ETFBKMT: variants seen among roughly 807,000 people sequenced by gnomAD.
ETFBKMT encodes the protein electron transfer flavoprotein subunit beta lysine methyltransferase.
In ETFBKMT, 13 loss-of-function variants were observed where a neutral mutation model predicts 18.3. The ratio of observed to expected loss-of-function variants is 0.71; its 90% CI spans 0.46 to 1.13. The LOEUF (loss-of-function observed/expected upper bound fraction) is 1.13. Ranked by LOEUF, ETFBKMT falls within the 50% of genes most tolerant of loss-of-function variation. The probability of loss-of-function intolerance (pLI) is 0.00; values close to 1 mark genes in which losing one functional copy is unlikely to be tolerated. For synonymous variants in ETFBKMT, 84 were observed against 107.9 expected, an observed-to-expected ratio of 0.78 and a Z score of 1.37; for missense variants, 293 against 306.2, an observed-to-expected ratio of 0.96 and a Z score of 0.32.
In ETFBKMT at chr12:31,668,040, CTA is replaced by C; in HGVS notation, c.*51_*52del. On this transcript the variant is annotated 3_prime_UTR_variant, in exon 4 of 4. Transcript: ENST00000357721. ...AATATAGTAATGTTTGGATCTGACTCTAAAAGTTTTCTCTATAGGAGATACTC... is the reference window on the plus strand; with the variant it reads ...AATATAGTAATGTTTGGATCTGACTCAAAGTTTTCTCTATAGGAGATACTC... 5 of 1,464,954 alleles carry C rather than the reference CTA, an allele frequency of 3.4e-6. No homozygotes were observed. The highest frequency in any genetic ancestry group is 4.7e-6 in the Non-Finnish European group (5 of 1,073,804). The allele number at this position is 1,464,954 out of a possible 1,614,324, so 90.7% of individuals were successfully genotyped here.
intron 1 of ETFBKMT, among the ~76,000 whole-genome samples, chr12:31,660,358 A>G (rs1220092333): frequency 6.6e-6 from 1 of 152,104 alleles, no homozygotes; most frequent in African/African-American, 2.4e-5. Context: ...TATGATGTCC[A>G]GCCCCTTGTG....
At chr12:31,656,908 T>C (rs1382391061), upstream of ETFBKMT, among the ~76,000 whole-genome samples, 1 of 152,256 alleles carries the variant, frequency 6.6e-6, no homozygotes, top group African/African-American at 2.4e-5. Context: ...TCTGTGTTTC[T>C]AATAATGATC....
chr12:31,668,075 T>A lies in ETFBKMT; in HGVS notation c.*85T>A. The A allele has an allele frequency of 2.0e-6, 2 of 1,011,506 alleles. No individual in the cohort carries two copies. The highest frequency in any genetic ancestry group is 2.9e-6 in the Non-Finnish European group (2 of 692,094). The allele number at this position is 1,011,506 out of a possible 1,614,324, so 62.7% of individuals were successfully genotyped here. On this transcript the variant is annotated 3_prime_UTR_variant, in exon 4 of 4. Transcript: ENST00000357721. ...TCTCTATAGGAGATACTCTCCAGTTTAATGAATGTAATTCTTGTTAAATGG... is the reference window on the plus strand; with the variant it reads ...TCTCTATAGGAGATACTCTCCAGTTAAATGAATGTAATTCTTGTTAAATGG...
In ETFBKMT at chr12:31,672,919, G is replaced by C. The variant is rs1951312680; in HGVS notation, c.*4929G>C. The C allele has an allele frequency of 6.5e-6, 1 of 153,444 alleles. No homozygotes were observed. Among genetic ancestry groups the C allele is most frequent in the Non-Finnish European group, 1.5e-5 (1 of 68,912 alleles). 9.5% of individuals were successfully genotyped at this position (153,444 alleles called of 1,614,324 possible). ...TGTAGCTGAACATTTTTCCATGTCT[G>C]TATAATACTACTATAAAGCATGATT... On this transcript the variant is annotated 3_prime_UTR_variant, in exon 4 of 4. Coordinates refer to ENST00000357721, the MANE Select transcript of ETFBKMT (RefSeq NM_001135863.2).
chr12:31,655,868 A>T (rs1319221469), upstream of ETFBKMT, among the ~76,000 whole-genome samples: 1 of 152,176 alleles, frequency 6.6e-6, no homozygotes, highest in Non-Finnish European at 1.5e-5. Context: ...ACCTGGATTG[A>T]TTGAGATTCT....
chr12:31,672,271 G>A lies in ETFBKMT; in HGVS notation c.*4281G>A, dbSNP rs1253575409. On this transcript the variant is annotated 3_prime_UTR_variant, in exon 4 of 4. Transcript: ENST00000357721. ...TTTCCTGGGAAAGTAGTTTTGATAA[G>A]CTTTCCTAGCATTGATCATCTTCAA... 16 of 1,487,080 alleles carry A rather than the reference G, an allele frequency of 1.1e-5. No individual in the cohort carries two copies. The highest frequency in any genetic ancestry group is 1.4e-5 in the Non-Finnish European group (15 of 1,086,486). The allele number at this position is 1,487,080 out of a possible 1,614,324, so 92.1% of individuals were successfully genotyped here.
chr12:31,670,134 G>C lies in ETFBKMT; in HGVS notation c.*2144G>C, dbSNP rs1334208263. The C allele has an allele frequency of 1.3e-5, 2 of 152,248 alleles. No individual in the cohort carries two copies. Among genetic ancestry groups the C allele is most frequent in the Non-Finnish European group, 2.9e-5 (2 of 68,116 alleles). The allele number at this position is 152,248 out of a possible 1,614,324, so 9.4% of individuals were successfully genotyped here. ...CCCCAAGTGCTGGGATTACACGTGT[G>C]AGCCACTGTGCCAGGCTGGAGCTTT... On this transcript the variant is annotated 3_prime_UTR_variant, in exon 4 of 4. Coordinates refer to ENST00000357721, the MANE Select transcript of ETFBKMT (RefSeq NM_001135863.2).
chr12:31,655,066 C>CA (rs772429943), upstream of ETFBKMT, among the ~76,000 whole-genome samples: 14,157 of 41,044 alleles, frequency 0.34, 745 homozygotes, highest in South Asian at 0.49. Flanking sequence ...ATGAAACAAA[C>CA]AAACAAACAA....
In ETFBKMT at chr12:31,672,063, C is replaced by T. The variant is rs1951284381; in HGVS notation, c.*4073C>T. ...AGATCAGAGTTCATGCTAGGATTAT[C>T]ATTTCAAAAATAATGACTCATCCAA... is the stretch of plus-strand genomic sequence containing the variant. On this transcript the variant is annotated 3_prime_UTR_variant, in exon 4 of 4. Coordinates refer to ENST00000357721, the MANE Select transcript of ETFBKMT (RefSeq NM_001135863.2). 1 of 391,926 alleles carries T rather than the reference C, an allele frequency of 2.6e-6. No individual in the cohort carries two copies. Among genetic ancestry groups the T allele is most frequent in the Non-Finnish European group, 4.6e-6 (1 of 217,396 alleles). 24.3% of individuals were successfully genotyped at this position (391,926 alleles called of 1,614,324 possible). A position where few individuals can be genotyped will look rare whatever the true frequency, so the allele number is the denominator to read the frequency against.
chr12:31,667,026 A>C (rs1293510736), intron 3 of ETFBKMT, among the ~76,000 whole-genome samples: 12 of 116,164 alleles, frequency 1.0e-4, no homozygotes, highest in East Asian at 7.7e-4. Flanking sequence ...ACAGAGTCTC[A>C]CTCTATTGCC....
Position 31,668,159 on chromosome 12 carries a change from G to A in ETFBKMT, c.*169G>A. ...TTTTGTTTACTTTTGTCATGTAACT[G>A]GTTCTGTATTTCTATGCATGCCAAT... On this transcript the variant is annotated 3_prime_UTR_variant, in exon 4 of 4. Coordinates refer to ENST00000357721, the MANE Select transcript of ETFBKMT (RefSeq NM_001135863.2). 1 of 594,496 alleles carries A rather than the reference G, an allele frequency of 1.7e-6. No homozygotes were observed. The highest frequency in any genetic ancestry group is 2.8e-6 in the Non-Finnish European group (1 of 351,376). 36.8% of individuals were successfully genotyped at this position (594,496 alleles called of 1,614,324 possible). A position where few individuals can be genotyped will look rare whatever the true frequency, so the allele number is the denominator to read the frequency against.
chr12:31,663,284 G>C (rs1319849322), intron 2 of ETFBKMT, among the ~76,000 whole-genome samples: 1 of 152,024 alleles, frequency 6.6e-6, no homozygotes, highest in African/African-American at 2.4e-5. Context: ...GTAGAGATGG[G>C]GTTTCACCAT....
At chr12:31,656,603 C>T (rs796522448), upstream of ETFBKMT, among the ~76,000 whole-genome samples, 41 of 152,310 alleles carry the variant, frequency 2.7e-4, no homozygotes, top group African/African-American at 9.1e-4. Flanking sequence ...CTTAGATTGG[C>T]TAGCATTACG....
intron 1 of ETFBKMT, among the ~76,000 whole-genome samples, chr12:31,650,642 T>TTTTTTTTTTTTA (rs1555182738): frequency 2.7e-5 from 4 of 150,762 alleles, no homozygotes; most frequent in South Asian, 2.1e-4. Context: ...TTTTTTTTTT[T>TTTTTTTTTTTTA]AAAGAATCAC....
At chr12:31,650,627 CTT>C (rs57675973) in intron 1 of ETFBKMT, among the ~76,000 whole-genome samples, 4 of 138,236 alleles carry the variant, frequency 2.9e-5, no homozygotes, top group Non-Finnish European at 3.1e-5. Context: ...ATGACCTGAC[CTT>C]TTTTTTTTTT....
intron 2 of ETFBKMT, among the ~76,000 whole-genome samples, chr12:31,664,616 CTT>C (rs59300091): frequency 1.1e-4 from 15 of 132,952 alleles, no homozygotes; most frequent in Admixed American, 1.5e-4. Context: ...CTTTTTCTTT[CTT>C]TTTTTTTTTT....
intron 1 of ETFBKMT, among the ~76,000 whole-genome samples, chr12:31,647,721 C>T (rs1317761153): frequency 6.6e-6 from 1 of 151,988 alleles, no homozygotes; most frequent in East Asian, 1.9e-4. Flanking sequence ...CCCAGCTACT[C>T]GGGAAGCTGG....
chr12:31,664,259 TC>T, intron 2 of ETFBKMT, among the ~76,000 whole-genome samples: 1 of 152,134 alleles, frequency 6.6e-6, no homozygotes, highest in African/African-American at 2.4e-5. Context: ...CAGTCCAAAT[TC>T]CTTGGTTGAA....
chr12:31,653,659 A>C (rs938383472), intron 1 of ETFBKMT, among the ~76,000 whole-genome samples: 2 of 152,116 alleles, frequency 1.3e-5, no homozygotes, highest in African/African-American at 4.8e-5. Flanking sequence ...TCAAAAGTCT[A>C]GGGAGAGGCC....
Sources: allele counts gnomAD v4.1 joint callset (sites outside exome capture counted in the v4.1 genomes callset), GRCh38; gene constraint gnomAD v4.1.1; transcripts MANE v1.5; gene names NCBI Gene and HGNC (gene_info 2026-07-23, HGNC 2026-07-21).